HOMER1: variants seen among roughly 807,000 people sequenced by gnomAD.
HOMER1 encodes homer scaffold protein 1.
A neutral mutation model predicts 48.9 loss-of-function variants in HOMER1; 3 were observed. That is an observed-to-expected ratio of 0.06 (90% CI 0.03 to 0.16). The LOEUF is 0.16. Among genes scored for constraint, HOMER1 ranks in the 10% least tolerant of loss-of-function variants. The pLI is 1.00. For missense variants in HOMER1, 247 were observed against 411.4 expected, an observed-to-expected ratio of 0.60 and a Z score of 3.46; for synonymous variants, 134 against 146.4, an observed-to-expected ratio of 0.92 and a Z score of 0.61.
At chr5:79,463,449 C>T (rs1188043535) in intron 1 of HOMER1, among the ~76,000 whole-genome samples, 1 of 152,228 alleles carries the variant, frequency 6.6e-6, no homozygotes, top group Non-Finnish European at 1.5e-5. Context: ...AGCCAACATT[C>T]TCTGTCGATA....
At chr5:79,481,155 C>A (rs183426121) in intron 1 of HOMER1, among the ~76,000 whole-genome samples, 1 of 152,148 alleles carries the variant, frequency 6.6e-6, no homozygotes, top group Non-Finnish European at 1.5e-5. Context: ...CTTTCAGAGT[C>A]TCCAAATAAA....
rs150561719 is a variant in HOMER1, at chr5:79,389,935, A to G, written c.876+6888T>C. Among the ~76,000 whole-genome samples, 64 of 152,344 alleles carry G rather than the reference A, an allele frequency of 4.2e-4. No individual in the cohort carries two copies. The East Asian group carries it at 0.012, about 28-fold the overall frequency. On this transcript the variant is annotated intron_variant, in intron 8 of 8. Transcript: ENST00000334082. ...AGAGAAAGAGAAAAATGAGAGCATA[A>G]CAAGCACATTATTATTAAGTGTGTT...
chr5:79,374,040 T>C lies in HOMER1; in HGVS notation c.*1969A>G, dbSNP rs1280269683. ...CAACAGCTTACACTGTTTTTTAAATTTTTTTAACTCTTCATACTAAACTCC... is the reference window on the plus strand; with the variant it reads ...CAACAGCTTACACTGTTTTTTAAATCTTTTTAACTCTTCATACTAAACTCC... On this transcript the variant is annotated 3_prime_UTR_variant, in exon 9 of 9. Coordinates refer to ENST00000334082, the MANE Select transcript of HOMER1 (RefSeq NM_004272.5). The C allele has an allele frequency of 6.6e-6, 1 of 152,198 alleles. No homozygotes were observed. The highest frequency in any genetic ancestry group is 1.5e-5 in the Non-Finnish European group (1 of 67,846). 9.4% of individuals were successfully genotyped at this position (152,198 alleles called of 1,614,324 possible). A position where few individuals can be genotyped will look rare whatever the true frequency, so the allele number is the denominator to read the frequency against.
chr5:79,413,902 T>C (rs558843938), intron 5 of HOMER1, among the ~76,000 whole-genome samples: 1 of 152,190 alleles, frequency 6.6e-6, no homozygotes, highest in Admixed American at 6.5e-5. Flanking sequence ...ATAATACTTA[T>C]TGTCAAAAGG....
intron 1 of HOMER1, among the ~76,000 whole-genome samples, chr5:79,468,572 A>C (rs1047069635): frequency 2.0e-5 from 3 of 152,210 alleles, no homozygotes; most frequent in Non-Finnish European, 4.4e-5. Context: ...TCATATTTCT[A>C]GTGGAGAACG....
intron 2 of HOMER1, among the ~76,000 whole-genome samples, 173 bp downstream of exon 2, chr5:79,456,689 T>C (rs1055727915): frequency 5.3e-5 from 8 of 152,230 alleles, no homozygotes; most frequent in Admixed American, 2.6e-4. Flanking sequence ...TGGTTAGTCA[T>C]TTAGTGGACA....
At chr5:79,413,984 T>C (rs1749874772) in intron 5 of HOMER1, among the ~76,000 whole-genome samples, 1 of 152,222 alleles carries the variant, frequency 6.6e-6, no homozygotes. Flanking sequence ...TTCTATTAGA[T>C]ATAACTGAAA....
chr5:79,405,005 G>A (rs750712729), intron 5 of HOMER1, among the ~76,000 whole-genome samples: 6 of 151,980 alleles, frequency 3.9e-5, no homozygotes, highest in Non-Finnish European at 8.8e-5. Flanking sequence ...CATCGTGCCC[G>A]GTCCTGATTG....
chr5:79,379,101 TATATATATATATAA>T (rs1190625612), intron 8 of HOMER1, among the ~76,000 whole-genome samples: 19 of 57,848 alleles, frequency 3.3e-4, no homozygotes, highest in African/African-American at 1.2e-3. Flanking sequence ...TATATATATA[TATATATATATATAA>T]AATATATAAA....
intron 6 of HOMER1, among the ~76,000 whole-genome samples, chr5:79,399,150 T>C (rs1327894897): frequency 6.6e-6 from 1 of 152,206 alleles, no homozygotes; most frequent in Admixed American, 6.5e-5. Context: ...TTGCAAATTG[T>C]GGGCAAAATG....
chr5:79,497,596 C>T (rs1246711667), intron 1 of HOMER1, among the ~76,000 whole-genome samples: 3 of 141,584 alleles, frequency 2.1e-5, no homozygotes, highest in Non-Finnish European at 4.5e-5. Context: ...ACCCGGGAGG[C>T]GGAGGTTGCA....
intron 1 of HOMER1, among the ~76,000 whole-genome samples, chr5:79,483,811 T>C (rs1219294451): frequency 1.3e-5 from 2 of 150,036 alleles, no homozygotes; most frequent in African/African-American, 2.4e-5. Context: ...TCCCAGCACT[T>C]TGGGAGGCCG....
chr5:79,492,516 G>A (rs528862580), intron 1 of HOMER1, among the ~76,000 whole-genome samples: 16 of 151,740 alleles, frequency 1.1e-4, no homozygotes, highest in African/African-American at 3.6e-4. Context: ...AAAACCCACC[G>A]TATTAAAGAA....
At chr5:79,507,242 CA>C (rs1210885766) in intron 1 of HOMER1, among the ~76,000 whole-genome samples, 76 of 104,424 alleles carry the variant, frequency 7.3e-4, no homozygotes, top group Admixed American at 1.7e-3. Context: ...AAAACCAAAA[CA>C]AAAAAAAAAC....
At chr5:79,476,702 T>C (rs1189179670) in intron 1 of HOMER1, among the ~76,000 whole-genome samples, 6 of 152,170 alleles carry the variant, frequency 3.9e-5, no homozygotes, top group Admixed American at 3.9e-4. Flanking sequence ...TTCCAGGCTC[T>C]CTCCAGGCAT....
chr5:79,493,469 C>A (rs1199021393), intron 1 of HOMER1, among the ~76,000 whole-genome samples: 3 of 152,140 alleles, frequency 2.0e-5, no homozygotes, highest in Non-Finnish European at 4.4e-5. Context: ...GCTCTTTGTT[C>A]ACAGATCTCA....
chr5:79,428,059 G>C (rs1438033574), intron 5 of HOMER1, among the ~76,000 whole-genome samples: 3 of 152,134 alleles, frequency 2.0e-5, no homozygotes, highest in African/African-American at 7.2e-5. Context: ...CTTAAAAACA[G>C]TGATATTTTA....
chr5:79,429,884 A>G (rs1170182118), intron 5 of HOMER1, among the ~76,000 whole-genome samples: 1 of 151,944 alleles, frequency 6.6e-6, no homozygotes, highest in African/African-American at 2.4e-5. Context: ...TTAGCTAGGC[A>G]TGGCGGCGGG....
intron 1 of HOMER1, among the ~76,000 whole-genome samples, chr5:79,471,563 AAAAAAAAAAAG>A (rs1286098221): frequency 1.3e-5 from 2 of 151,006 alleles, no homozygotes; most frequent in African/African-American, 4.9e-5. Flanking sequence ...AAAAAAAAAA[AAAAAAAAAAAG>A]AAAGAAAAAA....
Sources: gnomAD v4.1 joint callset for allele counts (sites outside exome capture counted in the v4.1 genomes callset) on GRCh38, gnomAD v4.1.1 for gene constraint, MANE v1.5 for transcripts, NCBI Gene and HGNC (gene_info 2026-07-23, HGNC 2026-07-21) for gene names.